The following ROBO2 variants were observed in gnomAD, a reference collection of about 807,000 sequenced individuals.
ROBO2 encodes roundabout guidance receptor 2, also known as roundabout homolog 2.
A neutral mutation model predicts 160.8 loss-of-function variants in ROBO2; 53 were observed. The observed-to-expected ratio is 0.33, with a 90% CI of 0.26 to 0.41. The LOEUF is 0.41. Among genes scored for constraint, ROBO2 ranks in the 10% least tolerant of loss-of-function variants. The probability of loss-of-function intolerance (pLI) is 1.00; values close to 1 mark genes in which losing one functional copy is unlikely to be tolerated. For missense variants in ROBO2, 1,577 were observed against 1,722.4 expected, an observed-to-expected ratio of 0.92 and a Z score of 1.49; for synonymous variants, 664 against 611.7, an observed-to-expected ratio of 1.09 and a Z score of -1.26.
chr3:76,591,050 TA>T (rs982013961), intron 2 of ROBO2, among the ~76,000 whole-genome samples: 1 of 152,088 alleles, frequency 6.6e-6, no homozygotes, highest in African/African-American at 2.4e-5. Context: ...CCTGTATAGT[TA>T]AAAAATCCAT....
Position 77,606,000 on chromosome 3 carries a change from A to G in ROBO2, c.3137-1798A>G, listed in dbSNP as rs533297475. On this transcript the variant is annotated intron_variant, in intron 20 of 25. Transcript: ENST00000461745. ...GAGTTCTGATACTACAACAGAAGAA[A>G]TGGTTCCTGTCTGATAATTTTGCTG... is the stretch of plus-strand genomic sequence containing the variant. 3.9e-5 allele frequency among the ~76,000 whole-genome samples: 6 copies of G among 152,336 alleles called. No individual in the cohort carries two copies. The South Asian group carries it at 1.0e-3, about 26-fold the overall frequency.
intron 2 of ROBO2, among the ~76,000 whole-genome samples, chr3:76,988,481 G>C (rs2060501626): frequency 1.3e-5 from 2 of 152,270 alleles, no homozygotes; most frequent in East Asian, 1.9e-4. Flanking sequence ...ATCTAGAAGA[G>C]AGTGCTCCTA....
At chr3:76,568,410 G>A (rs535357908) in intron 2 of ROBO2, among the ~76,000 whole-genome samples, 1 of 151,670 alleles carries the variant, frequency 6.6e-6, no homozygotes, top group East Asian at 2.0e-4. Context: ...CCATTCTCCT[G>A]CCTCAACCTC....
At chr3:76,035,976 C>T (rs1239873502) in intron 2 of ROBO2, among the ~76,000 whole-genome samples, 1 of 151,902 alleles carries the variant, frequency 6.6e-6, no homozygotes, top group Non-Finnish European at 1.5e-5. Context: ...GAATTACTTC[C>T]TTCAAAGTTA....
chr3:76,430,869 AG>A (rs1476709227), intron 2 of ROBO2, among the ~76,000 whole-genome samples: 1 of 152,044 alleles, frequency 6.6e-6, no homozygotes, highest in Non-Finnish European at 1.5e-5. Flanking sequence ...AAAGTCTTAA[AG>A]GCTTATACAT....
intron 2 of ROBO2, among the ~76,000 whole-genome samples, chr3:76,277,187 A>G (rs1246574577): frequency 6.6e-6 from 1 of 151,980 alleles, no homozygotes; most frequent in African/African-American, 2.4e-5. Context: ...TTCATACATA[A>G]GCACGTAATA....
rs1219672183 is a variant in ROBO2 at position 76,156,206 on chromosome 3, A to G, written c.109+218604A>G. Among the ~76,000 whole-genome samples the G allele has an allele frequency of 2.6e-5, 4 of 152,158 alleles. No homozygotes were observed. In the East Asian group the frequency reaches 7.7e-4, roughly 29 times the overall value. ...TTATAGAAGGAGATGAGCTTTTAAG[A>G]AAGCAGCCATATTCTTGTAAGAGAA... is the stretch of plus-strand genomic sequence containing the variant. On this transcript the variant is annotated intron_variant, in intron 2 of 26. Transcript: ENST00000487694.
chr3:76,079,577 G>A (rs1206611735), intron 2 of ROBO2, among the ~76,000 whole-genome samples: 3 of 149,714 alleles, frequency 2.0e-5, no homozygotes, highest in Non-Finnish European at 4.4e-5. Flanking sequence ...TCCGCCTCCC[G>A]GGTTCAAGCA....
At chr3:76,160,795 T>C (rs2072599084) in intron 2 of ROBO2, among the ~76,000 whole-genome samples, 1 of 152,168 alleles carries the variant, frequency 6.6e-6, no homozygotes, top group South Asian at 2.1e-4. Context: ...TTATAGTAAG[T>C]TAGCACAAGT....
chr3:76,248,520 T>C (rs375403467), intron 2 of ROBO2, among the ~76,000 whole-genome samples: 43 of 150,782 alleles, frequency 2.9e-4, no homozygotes, highest in African/African-American at 7.3e-4. Context: ...AGGGATAGCA[T>C]TGGGAGATAT....
At chr3:77,354,854 G>A (rs954542893) in intron 2 of ROBO2, among the ~76,000 whole-genome samples, 3 of 152,194 alleles carry the variant, frequency 2.0e-5, no homozygotes, top group Non-Finnish European at 4.4e-5. Flanking sequence ...TTGAGAAGTA[G>A]ACAGGCCAGA....
intron 2 of ROBO2, among the ~76,000 whole-genome samples, chr3:76,352,665 A>G (rs2108299584): frequency 6.6e-6 from 1 of 152,076 alleles, no homozygotes; most frequent in South Asian, 2.1e-4. Context: ...GTGTTCATGA[A>G]TGATTGATGA....
At chr3:76,266,140 C>T (rs936356508) in intron 2 of ROBO2, among the ~76,000 whole-genome samples, 1 of 152,108 alleles carries the variant, frequency 6.6e-6, no homozygotes, top group South Asian at 2.1e-4. Flanking sequence ...TTCATTTTCT[C>T]AATGTGATAT....
intron 2 of ROBO2, among the ~76,000 whole-genome samples, chr3:75,982,106 T>C (rs1186679608): frequency 2.0e-5 from 3 of 151,658 alleles, no homozygotes; most frequent in African/African-American, 7.3e-5. Flanking sequence ...CTGAATCTCA[T>C]TCTTTTTTAT....
At chr3:75,984,978 TC>T (rs2065375463) in intron 2 of ROBO2, among the ~76,000 whole-genome samples, 1 of 151,498 alleles carries the variant, frequency 6.6e-6, no homozygotes, top group Non-Finnish European at 1.5e-5. Context: ...AGCTTTCTAA[TC>T]CCTATTAGTA....
intron 2 of ROBO2, among the ~76,000 whole-genome samples, chr3:76,683,114 T>A (rs1447441754): frequency 1.3e-5 from 2 of 152,120 alleles, no homozygotes; most frequent in African/African-American, 4.8e-5. Flanking sequence ...TCTCATGTAT[T>A]TTACAAGGAA....
chr3:77,141,285 C>G (rs1038928718), intron 2 of ROBO2, among the ~76,000 whole-genome samples: 9 of 127,096 alleles, frequency 7.1e-5, no homozygotes, highest in East Asian at 2.4e-4. Context: ...CATATAAAGC[C>G]CCCCCCCCTT....
In ROBO2 at chr3:76,323,138, T is replaced by TACACACACACACACAC. The variant is rs71874425; in HGVS notation, c.109+385559_109+385574dup. Among the ~76,000 whole-genome samples, 843 of 144,010 alleles carry TACACACACACACACAC rather than the reference T, an allele frequency of 5.9e-3. 5 individuals are homozygous for TACACACACACACACAC. Among genetic ancestry groups the TACACACACACACACAC allele is most frequent in the East Asian group, 0.03 (144 of 4,782 alleles). 94.5% of individuals were successfully genotyped at this position (144,010 alleles called of 152,430 possible). A position where few individuals can be genotyped will look rare whatever the true frequency, so the allele number is the denominator to read the frequency against. ...CAAATCTTTTACTTATTGTTAGTAT[T>TACACACACACACACAC]ACACACACACACACACACACACACA... On this transcript the variant is annotated intron_variant, in intron 2 of 26. Coordinates refer to the ROBO2 transcript ENST00000487694.
intron 2 of ROBO2, among the ~76,000 whole-genome samples, chr3:76,380,375 G>A (rs1321106133): frequency 1.3e-5 from 2 of 152,090 alleles, no homozygotes; most frequent in Non-Finnish European, 2.9e-5. Context: ...ATTTGGTCTT[G>A]ATCTCAATGA....
Sources: allele counts gnomAD v4.1 joint callset (sites outside exome capture counted in the v4.1 genomes callset), GRCh38; gene constraint gnomAD v4.1.1; transcripts MANE v1.5; gene names NCBI Gene and HGNC (gene_info 2026-07-23, HGNC 2026-07-21).